The following RAB38 variants were observed in gnomAD, a reference collection of about 807,000 sequenced individuals.
RAB38 encodes the protein RAB38, member RAS oncogene family.
In RAB38, 15 loss-of-function variants were observed where a neutral mutation model predicts 18.4. The observed-to-expected ratio is 0.82, with a 90% CI of 0.55 to 1.26. RAB38 has a LOEUF of 1.26. Ranked by LOEUF, RAB38 falls within the 50% of genes most tolerant of loss-of-function variation. The probability of loss-of-function intolerance (pLI) is 0.00; values close to 1 mark genes in which losing one functional copy is unlikely to be tolerated. For synonymous variants in RAB38, 101 were observed against 104.4 expected, an observed-to-expected ratio of 0.97 and a Z score of 0.20; for missense variants, 294 against 267.4, an observed-to-expected ratio of 1.10 and a Z score of -0.69.
At chr11:88,147,501 C>T (rs1351874094) in intron 2 of RAB38, among the ~76,000 whole-genome samples, 1 of 149,152 alleles carries the variant, frequency 6.7e-6, no homozygotes, top group Non-Finnish European at 1.5e-5. Context: ...CACGCAGCAA[C>T]TTTGGAGTGA....
chr11:87,827,637 T>C, the RAB38 span, among the ~76,000 whole-genome samples: 1 of 152,140 alleles, frequency 6.6e-6, no homozygotes, highest in African/African-American at 2.4e-5. Flanking sequence ...CAAATCCATA[T>C]TACTATAATA....
At chr11:87,872,992 G>T in the RAB38 span, among the ~76,000 whole-genome samples, 1 of 151,468 alleles carries the variant, frequency 6.6e-6, no homozygotes, top group Non-Finnish European at 1.5e-5. Flanking sequence ...TTACTGAATC[G>T]CATAGTAAAA....
the RAB38 span, among the ~76,000 whole-genome samples, chr11:87,940,546 C>T: frequency 2.6e-5 from 4 of 151,672 alleles, no homozygotes; most frequent in African/African-American, 7.3e-5. Context: ...TCCTGCTTGT[C>T]AAAAGGGTTT....
At chr11:88,162,808 T>G (rs1322015620) in intron 1 of RAB38, among the ~76,000 whole-genome samples, 1 of 152,102 alleles carries the variant, frequency 6.6e-6, no homozygotes, top group Admixed American at 6.6e-5. Flanking sequence ...ATTTTCAGAC[T>G]GAGGTCAAGG....
At chr11:87,872,924 T>C in the RAB38 span, among the ~76,000 whole-genome samples, 1 of 151,638 alleles carries the variant, frequency 6.6e-6, no homozygotes, top group Non-Finnish European at 1.5e-5. Context: ...AACATTTATG[T>C]GTGACTTGTG....
chr11:87,836,003 T>C, the RAB38 span, among the ~76,000 whole-genome samples: 1 of 152,212 alleles, frequency 6.6e-6, no homozygotes, highest in African/African-American at 2.4e-5. Context: ...GCTTTTAACC[T>C]ATACTTTTTC....
chr11:88,097,155 T>G, the RAB38 span, among the ~76,000 whole-genome samples: 5 of 151,872 alleles, frequency 3.3e-5, no homozygotes, highest in African/African-American at 1.2e-4. Flanking sequence ...AGACTTTCCT[T>G]TCCATTCCTA....
the RAB38 span, among the ~76,000 whole-genome samples, chr11:87,948,277 A>G: frequency 6.6e-6 from 1 of 152,184 alleles, no homozygotes. Context: ...GTTGCTTGTC[A>G]GCTTAAGGAA....
At chr11:87,961,275 C>T in the RAB38 span, among the ~76,000 whole-genome samples, 2 of 152,054 alleles carry the variant, frequency 1.3e-5, no homozygotes, top group African/African-American at 2.4e-5. Flanking sequence ...TTGAAAGTGC[C>T]TAAGGACTAA....
At chr11:88,098,655 G>C in the RAB38 span, 4 of 151,756 alleles carry the variant, frequency 2.6e-5, no homozygotes, top group African/African-American at 9.7e-5. Flanking sequence ...AAATAGGTTG[G>C]ATTTTCTATT....
the RAB38 span, among the ~76,000 whole-genome samples, chr11:88,010,029 A>G: frequency 1.3e-5 from 2 of 152,164 alleles, no homozygotes; most frequent in Non-Finnish European, 2.9e-5. Context: ...AATATTTTTA[A>G]TAATTTTGTG....
chr11:87,928,299 CTAAGA>C, the RAB38 span, among the ~76,000 whole-genome samples: 2 of 151,844 alleles, frequency 1.3e-5, no homozygotes, highest in African/African-American at 2.4e-5. Flanking sequence ...TCAGTTTATT[CTAAGA>C]TGAGTTATAT....
At chr11:87,939,636 T>C in the RAB38 span, among the ~76,000 whole-genome samples, 3 of 152,004 alleles carry the variant, frequency 2.0e-5, no homozygotes, top group Non-Finnish European at 2.9e-5. Flanking sequence ...GGAGCTAAGA[T>C]AGCTTGAGCC....
the RAB38 span, among the ~76,000 whole-genome samples, chr11:88,009,642 A>T: frequency 6.6e-6 from 1 of 152,328 alleles, no homozygotes; most frequent in South Asian, 2.1e-4. Context: ...TGCTTGGGAA[A>T]AATTAATAAA....
the RAB38 span, among the ~76,000 whole-genome samples, chr11:88,095,067 C>T: frequency 6.6e-6 from 1 of 151,818 alleles, no homozygotes; most frequent in Non-Finnish European, 1.5e-5. Flanking sequence ...CCAATAATCA[C>T]CTTTCTTTTT....
the RAB38 span, among the ~76,000 whole-genome samples, chr11:87,810,816 A>C: frequency 6.6e-6 from 1 of 151,740 alleles, no homozygotes; most frequent in African/African-American, 2.4e-5. Context: ...AAAAAAAAAA[A>C]ACCTTTTTAC....
chr11:87,951,880 A>T, the RAB38 span, among the ~76,000 whole-genome samples: 2 of 152,304 alleles, frequency 1.3e-5, no homozygotes, highest in East Asian at 3.9e-4. Flanking sequence ...GCCCGTTCTC[A>T]GATCTCAAGC....
chr11:88,117,163 G>C (rs1201471320), intron 2 of RAB38, among the ~76,000 whole-genome samples: 9 of 152,204 alleles, frequency 5.9e-5, no homozygotes, highest in Non-Finnish European at 8.8e-5. Context: ...CATGTACAAA[G>C]AGTAGCAGTT....
At chr11:88,126,479 C>T (rs1196712060) in intron 2 of RAB38, among the ~76,000 whole-genome samples, 2 of 152,222 alleles carry the variant, frequency 1.3e-5, no homozygotes, top group South Asian at 2.1e-4. Context: ...CATGTTCTCA[C>T]TCATAGGTCG....
Sources: gnomAD v4.1 joint callset for allele counts (sites outside exome capture counted in the v4.1 genomes callset) on GRCh38, gnomAD v4.1.1 for gene constraint, MANE v1.5 for transcripts, NCBI Gene and HGNC (gene_info 2026-07-23, HGNC 2026-07-21) for gene names.